ASB16: variants seen among roughly 807,000 people sequenced by gnomAD.
ASB16 encodes the protein ankyrin repeat and SOCS box containing 16, also known as ankyrin repeat and SOCS box protein 16.
In ASB16, 44 loss-of-function variants were observed where a neutral mutation model predicts 39.1. The observed-to-expected ratio is 1.13, with a 90% CI of 0.88 to 1.45. The LOEUF is 1.45. ASB16 is among the 40% of genes most tolerant of loss of function. ASB16 has a pLI of 0.00. For missense variants in ASB16, 698 were observed against 634.5 expected (o/e 1.10, Z -1.07); for synonymous variants, 305 against 286.7 (o/e 1.06, Z -0.64).
chr17:44,176,538 T>C (rs942348939), intron 2 of ASB16, 200 bp from the exon 3 acceptor site: 1 of 782,932 alleles, frequency 1.3e-6, no homozygotes, highest in Admixed American at 2.2e-5. Context: ...AAGTTTTTCA[T>C]ATGAAAACTG....
intron 2 of ASB16, among the ~76,000 whole-genome samples, chr17:44,175,400 TAAAAAAAAAAAAAAA>T (rs10583057): frequency 1.8e-5 from 1 of 56,258 alleles, no homozygotes; most frequent in Non-Finnish European, 3.3e-5. Flanking sequence ...AGACTCCATC[TAAAAAAAAAAAAAAA>T]AAAAAAAAAA....
intron 3 of ASB16, 123 bp downstream of exon 3, chr17:44,177,353 G>A (rs2054313358): frequency 1.5e-6 from 2 of 1,344,370 alleles, no homozygotes; most frequent in East Asian, 2.6e-5. Context: ...TGGCCAGGGG[G>A]CTGTCCCCAG....
At chr17:44,177,258 G>T (rs1473707790) in intron 3 of ASB16, 28 bp downstream of exon 3, 6 of 1,513,004 alleles carry the variant, frequency 4.0e-6, no homozygotes, top group Non-Finnish European at 5.3e-6. Flanking sequence ...GACATAGGAG[G>T]CTCCTGTGTG....
intron 2 of ASB16, among the ~76,000 whole-genome samples, chr17:44,174,278 C>T (rs2054268577): frequency 6.6e-6 from 1 of 152,114 alleles, no homozygotes; most frequent in African/African-American, 2.4e-5. Flanking sequence ...ATCTCCTGAC[C>T]TCGTGATCCA....
At position 44,173,213 on chromosome 17, in the gene ASB16, C is replaced by A. The variant is rs1451193549; in HGVS notation, c.569+900C>A. ...ACCAGCCTGGCCAACATAGTGAAACCCCGTCTCTATTAAAAATACAAAAAA... is the reference window on the plus strand; with the variant it reads ...ACCAGCCTGGCCAACATAGTGAAACACCGTCTCTATTAAAAATACAAAAAA... On this transcript the variant is annotated intron_variant, in intron 2 of 4. Coordinates refer to ENST00000293414, the MANE Select transcript of ASB16 (RefSeq NM_080863.5). 2.7e-5 allele frequency among the ~76,000 whole-genome samples: 4 copies of A among 150,708 alleles called. No homozygotes were observed. In the South Asian group the frequency reaches 6.3e-4, roughly 24 times the overall value.
chr17:44,172,223 GGCT>G lies in ASB16; in HGVS notation c.487_489del (p.Leu163del). 1 of 1,613,782 alleles carries G rather than the reference GGCT, an allele frequency of 6.2e-7. No individual in the cohort carries two copies. The highest frequency in any genetic ancestry group is 8.5e-7 in the Non-Finnish European group (1 of 1,180,048). On this transcript the variant is annotated inframe_deletion, in exon 2 of 5. Coordinates refer to ENST00000293414, the MANE Select transcript of ASB16 (RefSeq NM_080863.5). ...GCCCGAGCCCAGTTTGACTGTGTGC[GGCT>G]GCTGCTGACCTTCGGAGCCAAGGCT... is the stretch of plus-strand genomic sequence containing the variant.
Position 44,178,490 on chromosome 17 carries a change from T to A in ASB16, c.*100T>A. On this transcript the variant is annotated 3_prime_UTR_variant, in exon 5 of 5. Transcript: ENST00000293414. ...TCCTGGCCCTCTTTTCTTTTCTTTTTGAGACCTAGTCTCACTCTGTTGCCC... is the reference window on the plus strand; with the variant it reads ...TCCTGGCCCTCTTTTCTTTTCTTTTAGAGACCTAGTCTCACTCTGTTGCCC... 1 of 1,267,536 alleles carries A rather than the reference T, an allele frequency of 7.9e-7. No homozygotes were observed. The highest frequency in any genetic ancestry group is 2.6e-5 in the East Asian group (1 of 39,054). 78.5% of individuals were successfully genotyped at this position (1,267,536 alleles called of 1,614,324 possible).
intron 2 of ASB16, among the ~76,000 whole-genome samples, chr17:44,173,004 G>A (rs1192339573): frequency 6.7e-6 from 1 of 149,382 alleles, no homozygotes; most frequent in East Asian, 2.0e-4. Flanking sequence ...GTAGGTCGAG[G>A]CACAAGAATC....
intron 2 of ASB16, among the ~76,000 whole-genome samples, chr17:44,174,190 C>T (rs1441972204): frequency 6.6e-6 from 1 of 151,966 alleles, no homozygotes; most frequent in East Asian, 1.9e-4. Flanking sequence ...CAGGCTCCCG[C>T]CAACACGCCC....
rs1284853949 is a variant in ASB16 at position 44,178,657 on chromosome 17, A to C, written c.*267A>C. Reference sequence around the variant, plus strand: ...CTGGCTGATTTTGTATTTTTAGTAGAGACAGGGTCTCACCATGTTGGCCAG... The same window carrying C: ...CTGGCTGATTTTGTATTTTTAGTAGCGACAGGGTCTCACCATGTTGGCCAG... On this transcript the variant is annotated 3_prime_UTR_variant, in exon 5 of 5. Transcript: ENST00000293414. The C allele has an allele frequency of 2.1e-6, 1 of 481,516 alleles. No individual in the cohort carries two copies. The highest frequency in any genetic ancestry group is 3.8e-5 in the Admixed American group (1 of 26,386). 29.8% of individuals were successfully genotyped at this position (481,516 alleles called of 1,614,324 possible). A position where few individuals can be genotyped will look rare whatever the true frequency, so the allele number is the denominator to read the frequency against.
rs759496969 is a variant in ASB16 at position 44,172,322 on chromosome 17, C to T, written c.569+9C>T. ...ATCCCCGAGTCCTTGCAGTAGGTGCCTGGGGGCTGAGACAGTTTGGGGAGA... is the reference window on the plus strand; with the variant it reads ...ATCCCCGAGTCCTTGCAGTAGGTGCTTGGGGGCTGAGACAGTTTGGGGAGA... On this transcript the variant is annotated intron_variant, in intron 2 of 4. Transcript: ENST00000293414. 4.1e-5 allele frequency: 65 copies of T among 1,604,814 alleles called. No homozygotes were observed. Among genetic ancestry groups the T allele is most frequent in the Non-Finnish European group, 5.2e-5 (61 of 1,177,482 alleles).
Position 44,178,587 on chromosome 17 carries a change from C to A in ASB16, c.*197C>A. Reference sequence around the variant, plus strand: ...ACCTAGGTTCAAGCGATTCTTGTGCCCCAAACTTCCGAGTAGCTGGGACTA... The same window carrying A: ...ACCTAGGTTCAAGCGATTCTTGTGCACCAAACTTCCGAGTAGCTGGGACTA... On this transcript the variant is annotated 3_prime_UTR_variant, in exon 5 of 5. Coordinates refer to ENST00000293414, the MANE Select transcript of ASB16 (RefSeq NM_080863.5). 1.6e-6 allele frequency: 1 copy of A among 614,870 alleles called. No homozygotes were observed. The highest frequency in any genetic ancestry group is 2.8e-6 in the Non-Finnish European group (1 of 359,178). The allele number at this position is 614,870 out of a possible 1,614,324, so 38.1% of individuals were successfully genotyped here.
chr17:44,177,190 C>T lies in ASB16; in HGVS notation c.1022C>T (p.Ala341Val), dbSNP rs766966460. 1 of 1,539,638 alleles carries T rather than the reference C, an allele frequency of 6.5e-7. No individual in the cohort carries two copies. Among genetic ancestry groups the T allele is most frequent in the South Asian group, 1.2e-5 (1 of 83,198 alleles). The change falls in exon 3 of 5, where the codon GCC becomes GTC. Residue 341 changes from alanine to valine, a missense_variant. Ala to Val is a moderately conservative substitution (Grantham distance 64). Transcript: ENST00000293414. ...AACTGGGAGCCTGAAGTCCTTTTCG[C>T]CGCACTGCTGGACTACGGGGCGCAG... is the stretch of plus-strand genomic sequence containing the variant. ...SPNWEPEVLF[A>V]ALLDYGAQPV...
rs1213007184 is a variant in ASB16, at chr17:44,172,103, C to T, written c.359C>T (p.Ala120Val). 8 of 1,611,778 alleles carry T rather than the reference C, an allele frequency of 5.0e-6. No homozygotes were observed. The East Asian group carries it at 1.8e-4, about 36-fold the overall frequency. Residue 120 changes from alanine to valine, a missense_variant, in exon 2 of 5, where the codon GCC becomes GTC. Transcript: ENST00000293414. The stretch of plus-strand genomic sequence containing the variant: ...ACGGCACCCCTCGCCATCGCTACAG[C>T]CCGAGGCTACACAGACTGTGCTCGA... ...KQTAPLAIAT[A>V]RGYTDCARHL...
chr17:44,171,895 C>G (rs940009338), intron 1 of ASB16, 151 bp from the exon 2 acceptor site: 5 of 731,948 alleles, frequency 6.8e-6, no homozygotes, highest in Admixed American at 3.0e-5. Flanking sequence ...CTTGAATAAG[C>G]CCCCTTCCAC....
chr17:44,177,766 C>T (rs1287285841), intron 4 of ASB16, 44 bp downstream of exon 4: 2 of 1,601,994 alleles, frequency 1.2e-6, no homozygotes, highest in African/African-American at 1.3e-5. Flanking sequence ...GGACGAGCCA[C>T]AGGCCTATTC....
At position 44,178,265 on chromosome 17, in the gene ASB16, C is replaced by T. The variant is rs548999333; in HGVS notation, c.1237C>T (p.His413Tyr). 31 of 1,613,434 alleles carry T rather than the reference C, an allele frequency of 1.9e-5. No homozygotes were observed. Among genetic ancestry groups the T allele is most frequent in the Non-Finnish European group, 2.5e-5 (29 of 1,179,988 alleles). ...GGTGAACCAGCCAAGGCAGCTGCAG[C>T]ACCTGGCCCGACTAGCTGTGCGCGC... ...CMVNQPRQLQ[H>Y]LARLAVRARL... is the part of the protein sequence containing the mutation. The change falls in exon 5 of 5, where the codon CAC (histidine) becomes TAC (tyrosine). Residue 413 changes from histidine to tyrosine, a missense_variant. Physicochemically the swap from His to Tyr is moderately conservative, Grantham distance 83. Coordinates refer to ENST00000293414, the MANE Select transcript of ASB16 (RefSeq NM_080863.5).
At chr17:44,178,008 T>C (rs1567733022) in intron 4 of ASB16, among the ~76,000 whole-genome samples, 197 bp from the exon 5 acceptor site, 1 of 152,132 alleles carries the variant, frequency 6.6e-6, no homozygotes, top group Non-Finnish European at 1.5e-5. Context: ...GGTATAGACA[T>C]AGTGGAGACC....
chr17:44,173,104 A>AAC lies in ASB16; in HGVS notation c.569+792_569+793insCA, dbSNP rs1555563559. ...GTCTTAAAAAAAAAAAAAAAAAAAA[A>AAC]AAAGCCGGGCGCCATGGCTCACGCC... On this transcript the variant is annotated intron_variant, in intron 2 of 4. Coordinates refer to ENST00000293414, the MANE Select transcript of ASB16 (RefSeq NM_080863.5). Among the ~76,000 whole-genome samples, 58 of 138,782 alleles carry AAC rather than the reference A, an allele frequency of 4.2e-4. 3 individuals are homozygous for AAC. The highest frequency in any genetic ancestry group is 1.3e-3 in the African/African-American group (46 of 35,868). The allele number at this position is 138,782 out of a possible 152,430, so 91.0% of individuals were successfully genotyped here.
Sources: allele counts gnomAD v4.1 joint callset (sites outside exome capture counted in the v4.1 genomes callset), GRCh38; gene constraint gnomAD v4.1.1; transcripts MANE v1.5; gene names NCBI Gene and HGNC (gene_info 2026-07-23, HGNC 2026-07-21).